The following GRK5 variants were observed in gnomAD, a reference collection of about 807,000 sequenced individuals.
GRK5 encodes G protein-coupled receptor kinase 5.
Under a neutral mutation model 78.4 loss-of-function variants are expected in GRK5, and 40 were observed. The ratio of observed to expected loss-of-function variants is 0.51; its 90% CI spans 0.40 to 0.66. The LOEUF (loss-of-function observed/expected upper bound fraction) is 0.66, where lower values mean the gene tolerates loss of function less well. Ranked by LOEUF, GRK5 falls within the 30% of genes least tolerant of loss-of-function variation. The pLI is 0.00. For synonymous variants in GRK5, 289 were observed against 296.8 expected, an observed-to-expected ratio of 0.97 and a Z score of 0.27; for missense variants, 598 against 759.9, an observed-to-expected ratio of 0.79 and a Z score of 2.50.
intron 1 of GRK5, among the ~76,000 whole-genome samples, chr10:119,258,173 T>G (rs1564866429): frequency 6.6e-6 from 1 of 152,214 alleles, no homozygotes; most frequent in Non-Finnish European, 1.5e-5. Context: ...TTTTTGTCTT[T>G]ACAAGAATGT....
intron 1 of GRK5, among the ~76,000 whole-genome samples, chr10:119,246,019 CAAAAAAAA>C (rs941734040): frequency 1.4e-4 from 2 of 14,036 alleles, no homozygotes; most frequent in African/African-American, 3.1e-4. Flanking sequence ...GACTCCATCT[CAAAAAAAA>C]AAAAAAAAAA....
chr10:119,267,107 G>C lies in GRK5; in HGVS notation c.52+59138G>C, dbSNP rs1318814749. 6.6e-6 allele frequency among the ~76,000 whole-genome samples: 1 copy of C among 152,046 alleles called. No individual in the cohort carries two copies. The highest frequency in any genetic ancestry group is 1.9e-4 in the East Asian group (1 of 5,176). On this transcript the variant is annotated intron_variant, in intron 1 of 15. Transcript: ENST00000392870. The surrounding 1 kb of genome is among the most constrained non-coding windows in gnomAD (Gnocchi z 4.1). ...AAAATACAAAAATTAGCCAGGCATG[G>C]TGGCGGGCGCCTGTAATCTCAGCTA...
At chr10:119,365,768 C>A (rs1336227653) in intron 2 of GRK5, among the ~76,000 whole-genome samples, 1 of 152,188 alleles carries the variant, frequency 6.6e-6, no homozygotes, top group Non-Finnish European at 1.5e-5. Flanking sequence ...CTCAACACAC[C>A]CTTTCTTAGG....
chr10:119,244,861 C>T (rs951194857), intron 1 of GRK5, among the ~76,000 whole-genome samples: 10 of 152,246 alleles, frequency 6.6e-5, no homozygotes, highest in African/African-American at 2.4e-4. Flanking sequence ...AACAGTTGTG[C>T]ACTGTTGGTG....
At chr10:119,394,303 TGTG>T in intron 3 of GRK5, among the ~76,000 whole-genome samples, 1 of 13,204 alleles carries the variant, frequency 7.6e-5, no homozygotes, top group Non-Finnish European at 3.8e-4. Context: ...TCTGTGTGTC[TGTG>T]TGGGCACGTG....
At chr10:119,415,096 A>T (rs1431242651) in intron 4 of GRK5, among the ~76,000 whole-genome samples, 1 of 151,314 alleles carries the variant, frequency 6.6e-6, no homozygotes, top group East Asian at 1.9e-4. Flanking sequence ...AAAAAAAAAA[A>T]AAAAAAAGAA....
intron 1 of GRK5, among the ~76,000 whole-genome samples, chr10:119,263,825 G>T (rs1849451108): frequency 6.6e-6 from 1 of 152,176 alleles, no homozygotes; most frequent in Admixed American, 6.5e-5. Context: ...CTACTCAGGA[G>T]ACTGAGGGAG....
At chr10:119,434,074 A>T (rs898809196) in intron 8 of GRK5, among the ~76,000 whole-genome samples, 1 of 152,214 alleles carries the variant, frequency 6.6e-6, no homozygotes, top group African/African-American at 2.4e-5. Flanking sequence ...AGATCTCATG[A>T]GACTTATTCA....
chr10:119,346,321 G>A (rs1034638149), intron 2 of GRK5, among the ~76,000 whole-genome samples: 1 of 152,240 alleles, frequency 6.6e-6, no homozygotes, highest in Non-Finnish European at 1.5e-5. Context: ...CCCTGGAGCA[G>A]GTATAGCTCA....
At chr10:119,401,551 G>A (rs572994527) in intron 4 of GRK5, among the ~76,000 whole-genome samples, 1 of 152,320 alleles carries the variant, frequency 6.6e-6, no homozygotes, top group East Asian at 1.9e-4. Flanking sequence ...CATGGGTTTG[G>A]GAAAGTTGCT....
At chr10:119,333,705 C>T in intron 2 of GRK5, 1 of 512,350 alleles carries the variant, frequency 2.0e-6, no homozygotes, top group Non-Finnish European at 4.0e-6. Flanking sequence ...TAAGTGTGTG[C>T]AGCGAGTTCC....
rs529557733 is a variant in GRK5 at position 119,228,411 on chromosome 10, G to A, written c.52+20442G>A. Among the ~76,000 whole-genome samples, 13 of 147,270 alleles carry A rather than the reference G, an allele frequency of 8.8e-5. No individual in the cohort carries two copies. In the South Asian group the frequency reaches 1.7e-3, roughly 20 times the overall value. On this transcript the variant is annotated intron_variant, in intron 1 of 15. Coordinates refer to ENST00000392870, the MANE Select transcript of GRK5 (RefSeq NM_005308.3). Reference sequence around the variant, plus strand: ...CAAAAACGTTATGGAGATCTAGTTCGAGACCAGCCTGGGCAACATAGTGAG... The same window carrying A: ...CAAAAACGTTATGGAGATCTAGTTCAAGACCAGCCTGGGCAACATAGTGAG...
At chr10:119,362,455 TG>T (rs1401091728) in intron 2 of GRK5, among the ~76,000 whole-genome samples, 1 of 152,154 alleles carries the variant, frequency 6.6e-6, no homozygotes, top group East Asian at 1.9e-4. Flanking sequence ...GGAACCAGGG[TG>T]TTTGTTTTAT....
At chr10:119,295,869 G>A (rs1254415014) in intron 1 of GRK5, among the ~76,000 whole-genome samples, 2 of 152,152 alleles carry the variant, frequency 1.3e-5, no homozygotes, top group South Asian at 2.1e-4. Context: ...GGTGATGGGT[G>A]CGCCAGAATC....
chr10:119,220,151 G>T (rs949159998), intron 1 of GRK5, among the ~76,000 whole-genome samples: 5 of 152,200 alleles, frequency 3.3e-5, no homozygotes, highest in African/African-American at 9.6e-5. Flanking sequence ...TGAAGAGGAA[G>T]AGGCCAACAT....
chr10:119,344,269 T>A (rs887509771), intron 2 of GRK5, among the ~76,000 whole-genome samples: 2 of 152,108 alleles, frequency 1.3e-5, no homozygotes, highest in East Asian at 1.9e-4. Context: ...CATGTTGGTG[T>A]GCTGCACCCA....
At chr10:119,276,472 T>A (rs1245575244) in intron 1 of GRK5, among the ~76,000 whole-genome samples, 2 of 152,234 alleles carry the variant, frequency 1.3e-5, no homozygotes, top group African/African-American at 4.8e-5. Context: ...GGTGTATATG[T>A]GCCACATTTT....
intron 1 of GRK5, 91 bp downstream of exon 1, chr10:119,208,060 C>T: frequency 8.0e-7 from 1 of 1,245,466 alleles, no homozygotes. Flanking sequence ...TGCGCCCGTG[C>T]AGGATGCCCG....
At position 119,448,301 on chromosome 10, in the gene GRK5, G is replaced by C. The variant is rs373362941; in HGVS notation, c.1404+41G>C. The C allele has an allele frequency of 3.2e-6, 5 of 1,565,508 alleles. No homozygotes were observed. In the African/African-American group the frequency reaches 5.6e-5, roughly 18 times the overall value. On this transcript the variant is annotated intron_variant, in intron 13 of 15. Transcript: ENST00000392870. ...CAGCCCCCAGCAGCTCCCTTCACAG[G>C]GTACCCAGGGCTGCCCCCGAGTGCT...
Sources: allele counts gnomAD v4.1 joint callset (sites outside exome capture counted in the v4.1 genomes callset), GRCh38; gene constraint gnomAD v4.1.1; non-coding constraint Gnocchi (gnomAD v3.1); transcripts MANE v1.5; gene names NCBI Gene and HGNC (gene_info 2026-07-23, HGNC 2026-07-21).